The following SPPL2B variants were observed in gnomAD, a reference collection of about 807,000 sequenced individuals.
SPPL2B encodes the protein signal peptide peptidase like 2B.
A neutral mutation model predicts 59.7 loss-of-function variants in SPPL2B; 39 were observed. The observed-to-expected ratio is 0.65, with a 90% CI of 0.51 to 0.85. The LOEUF is 0.85. Ranked by LOEUF, SPPL2B falls within the 40% of genes least tolerant of loss-of-function variation. The pLI, the probability that SPPL2B is intolerant of heterozygous loss-of-function variation, is 0.00. For missense variants in SPPL2B, 865 were observed against 849.0 expected (o/e 1.02, Z -0.23); for synonymous variants, 419 against 370.8 (o/e 1.13, Z -1.49).
At position 2,353,141 on chromosome 19, in the gene SPPL2B, C is replaced by G. The variant is rs1235570024; in HGVS notation, c.1711C>G (p.Pro571Ala). The change falls in exon 15 of 15, where the codon CCA becomes GCA. Residue 571 changes from proline to alanine, a missense_variant. Pro to Ala is a conservative substitution (Grantham distance 27). Transcript: ENST00000613503. ...AGAPMREPGS[P>A]AESEGRDQAQ... ...AGCCCCCATGCGGGAGCCTGGGAGCCCAGCTGAATCCGAGGGCCGGGACCA... is the reference window on the plus strand; with the variant it reads ...AGCCCCCATGCGGGAGCCTGGGAGCGCAGCTGAATCCGAGGGCCGGGACCA... 6.2e-7 allele frequency: 1 copy of G among 1,610,720 alleles called. No homozygotes were observed.
chr19:2,349,823 TTC>T (rs368678771), intron 13 of SPPL2B, among the ~76,000 whole-genome samples: 38 of 134,060 alleles, frequency 2.8e-4, no homozygotes, highest in East Asian at 9.5e-4. Context: ...CTTGACTCTG[TTC>T]TCTCTCTCCA....
At chr19:2,333,558 G>C (rs776173930) in intron 1 of SPPL2B, among the ~76,000 whole-genome samples, 3 of 152,224 alleles carry the variant, frequency 2.0e-5, no homozygotes, top group Non-Finnish European at 4.4e-5. Context: ...GTCCAGGCCC[G>C]TCTACTCCGC....
intron 13 of SPPL2B, among the ~76,000 whole-genome samples, chr19:2,345,899 C>T (rs1969342379): frequency 6.6e-6 from 1 of 151,282 alleles, no homozygotes; most frequent in South Asian, 2.1e-4. Context: ...CTCCTTTGGC[C>T]TGTGTCCACA....
chr19:2,351,609 G>C lies in SPPL2B; in HGVS notation c.1515+15G>C. 4 of 1,596,386 alleles carry C rather than the reference G, an allele frequency of 2.5e-6. No homozygotes were observed. Among genetic ancestry groups the C allele is most frequent in the Middle Eastern group, 1.7e-4 (1 of 6,008 alleles). On this transcript the variant is annotated intron_variant, in intron 14 of 14. Transcript: ENST00000613503. Reference sequence around the variant, plus strand: ...GCGGCTTTGCGGTGAATACCAGTTTGCTCTGACTGTGAGAAATACTCGCCT... The same window carrying C: ...GCGGCTTTGCGGTGAATACCAGTTTCCTCTGACTGTGAGAAATACTCGCCT...
At chr19:2,341,606 C>A (rs1428692040) in intron 8 of SPPL2B, 4 of 456,222 alleles carry the variant, frequency 8.8e-6, no homozygotes, top group Admixed American at 7.0e-5. Context: ...ACCGCTGTCG[C>A]TGATACCATC....
chr19:2,345,435 C>T, intron 13 of SPPL2B, 105 bp downstream of exon 13: 3 of 911,670 alleles, frequency 3.3e-6, no homozygotes, highest in Non-Finnish European at 5.3e-6. Context: ...AACCCTAACC[C>T]TAATTCCAAC....
At chr19:2,331,375 G>C (rs1459689761) in intron 1 of SPPL2B, among the ~76,000 whole-genome samples, 2 of 152,230 alleles carry the variant, frequency 1.3e-5, no homozygotes, top group African/African-American at 2.4e-5. Flanking sequence ...GGAGGTCGAG[G>C]CTTGGGCTTT....
intron 13 of SPPL2B, among the ~76,000 whole-genome samples, chr19:2,348,905 C>G (rs1286664792): frequency 6.7e-6 from 1 of 150,364 alleles, no homozygotes; most frequent in African/African-American, 2.4e-5. Context: ...CACACACTCA[C>G]GCGCTCTCAT....
chr19:2,344,263 C>G, intron 10 of SPPL2B, 99 bp from the exon 11 acceptor site: 1 of 601,474 alleles, frequency 1.7e-6, no homozygotes, highest in South Asian at 1.8e-5. Flanking sequence ...GCCCCTTGCA[C>G]CCCCCCATCG....
chr19:2,344,028 T>C lies in SPPL2B; in HGVS notation c.1102T>C (p.Phe368Leu), dbSNP rs1205737069. ...CATCTTCTTCGTGTTCATCACGCCC[T>C]TCCTGACCAAGGTAGGCGACTGCCT... ...YDIFFVFITP[F>L]LTKSGSSIMV... Residue 368 changes from phenylalanine (F) to leucine (L), a missense_variant, in exon 10 of 15, where the codon TTC becomes CTC. By Grantham distance (22) the Phe-to-Leu change is conservative (BLOSUM62 0). Coordinates refer to ENST00000613503, the MANE Select transcript of SPPL2B (RefSeq NM_152988.3). 5 of 1,547,498 alleles carry C rather than the reference T, an allele frequency of 3.2e-6. No homozygotes were observed. The highest frequency in any genetic ancestry group is 4.4e-6 in the Non-Finnish European group (5 of 1,146,248).
rs369595866 is a variant in SPPL2B at position 2,332,257 on chromosome 19, G to C, written c.67-2345G>C. On this transcript the variant is annotated intron_variant, in intron 1 of 14. Coordinates refer to ENST00000613503, the MANE Select transcript of SPPL2B (RefSeq NM_152988.3). This position sits in a 1 kb window ranked among gnomAD's most constrained non-coding sequence, Gnocchi z 4.6. ...ATGCTGCCACCCCGAGGTCACCAGG[G>C]CCTTGACCCAGATGCTCCCAGACCA... is the stretch of plus-strand genomic sequence containing the variant. 4.5e-4 allele frequency among the ~76,000 whole-genome samples: 68 copies of C among 152,292 alleles called. No individual in the cohort carries two copies. Among genetic ancestry groups the C allele is most frequent in the South Asian group, 1.0e-3 (5 of 4,830 alleles).
intron 1 of SPPL2B, among the ~76,000 whole-genome samples, chr19:2,331,195 TC>T (rs1288121318): frequency 1.3e-5 from 2 of 151,668 alleles, no homozygotes; most frequent in Non-Finnish European, 3.0e-5. Context: ...CTCCTGGAAC[TC>T]CTCAGTCTTC....
intron 7 of SPPL2B, 81 bp downstream of exon 7, chr19:2,340,253 A>G: frequency 2.8e-6 from 3 of 1,079,348 alleles, no homozygotes; most frequent in South Asian, 3.2e-5. Flanking sequence ...ATAGCCCCCC[A>G]TGGTGCAATA....
At chr19:2,343,638 G>A (rs1205639265) in intron 9 of SPPL2B, among the ~76,000 whole-genome samples, 1 of 152,118 alleles carries the variant, frequency 6.6e-6, no homozygotes, top group African/African-American at 2.4e-5. Flanking sequence ...TCCCGTGAGG[G>A]CCCCACAGCA....
rs570293066 is a variant in SPPL2B, at chr19:2,351,539, C to T, written c.1460C>T (p.Ala487Val). The change falls in exon 14 of 15, where the codon GCT (alanine) becomes GTT (valine). Residue 487 changes from alanine to valine, a missense_variant. Transcript: ENST00000613503. ...CCCTGCACGCTGGTGACGAGCTGCG[C>T]TGTGGCGCTCTGGCGCCGGGAGCTG... is the stretch of plus-strand genomic sequence containing the variant. Reference protein sequence around the residue: ...LVPCTLVTSCAVALWRRELGV... With the variant: ...LVPCTLVTSCVVALWRRELGV... 2 of 1,611,232 alleles carry T rather than the reference C, an allele frequency of 1.2e-6. No homozygotes were observed. The highest frequency in any genetic ancestry group is 8.5e-7 in the Non-Finnish European group (1 of 1,179,424).
intron 13 of SPPL2B, among the ~76,000 whole-genome samples, chr19:2,349,125 A>C (rs1969717636): frequency 8.8e-6 from 1 of 113,356 alleles, no homozygotes; most frequent in Non-Finnish European, 1.8e-5. Flanking sequence ...CTCTCCCTCC[A>C]CACACACTCG....
chr19:2,339,731 T>G (rs2145161498), intron 5 of SPPL2B, 93 bp from the exon 6 acceptor site: 1 of 1,478,224 alleles, frequency 6.8e-7, no homozygotes, highest in East Asian at 2.5e-5. Context: ...GCTCCCGGGT[T>G]TTCTGCCCCG....
Position 2,337,931 on chromosome 19 carries a change from G to C in SPPL2B, c.369+306G>C, listed in dbSNP as rs1599212856. On this transcript the variant is annotated intron_variant, in intron 3 of 14. Transcript: ENST00000613503. Reference sequence around the variant, plus strand: ...TGACGGAGACCACACTCTCTGTGGGGATGGGATTGGGGTGGCTTCTGAGGA... The same window carrying C: ...TGACGGAGACCACACTCTCTGTGGGCATGGGATTGGGGTGGCTTCTGAGGA... The C allele has an allele frequency of 6.7e-5, 21 of 312,472 alleles. No individual in the cohort carries two copies. In the East Asian group the frequency reaches 1.4e-3, roughly 21 times the overall value. 19.4% of individuals were successfully genotyped at this position (312,472 alleles called of 1,614,324 possible). A position where few individuals can be genotyped will look rare whatever the true frequency, so the allele number is the denominator to read the frequency against.
Position 2,340,983 on chromosome 19 carries a change from G to T in SPPL2B, c.925G>T (p.Val309Leu). 1 of 1,604,862 alleles carries T rather than the reference G, an allele frequency of 6.2e-7. No individual in the cohort carries two copies. The change falls in exon 8 of 15, where the codon GTG becomes TTG. Residue 309 changes from valine to leucine, a missense_variant. By Grantham distance (32) the Val-to-Leu change is conservative. Transcript: ENST00000613503. ...LLALFCVAVS[V>L]VWGVFRNEDQ... ...GGCGCTCTTCTGCGTGGCCGTCAGC[G>T]TGGTGTGGGGCGTCTTCCGCAACGA...
Sources: allele counts gnomAD v4.1 joint callset (sites outside exome capture counted in the v4.1 genomes callset), GRCh38; gene constraint gnomAD v4.1.1; non-coding constraint Gnocchi (gnomAD v3.1); transcripts MANE v1.5; gene names NCBI Gene and HGNC (gene_info 2026-07-23, HGNC 2026-07-21).